Variants in TMEM132C observed in about 807,000 individuals in gnomAD.
TMEM132C encodes protein phosphatase 1, regulatory subunit 152.
A neutral mutation model predicts 61.4 loss-of-function variants in TMEM132C; 29 were observed. The ratio of observed to expected loss-of-function variants is 0.47; its 90% CI spans 0.35 to 0.64. The LOEUF (loss-of-function observed/expected upper bound fraction) is 0.64, where lower values mean the gene tolerates loss of function less well. Ranked by LOEUF, TMEM132C falls within the 30% of genes least tolerant of loss-of-function variation. The pLI is 0.00. For synonymous variants in TMEM132C, 656 were observed against 633.1 expected (o/e 1.04, Z -0.54); for missense variants, 1,408 against 1,476.9 (o/e 0.95, Z 0.76).
rs962566411 is a variant in TMEM132C, at chr12:128,575,201, C to T, written c.1121+31098C>T. On this transcript the variant is annotated intron_variant, in intron 3 of 8. Coordinates refer to ENST00000435159, the MANE Select transcript of TMEM132C (RefSeq NM_001136103.3). The stretch of plus-strand genomic sequence containing the variant: ...ATACCTTATAAATATAAAGAGAGGC[C>T]GGACATGGTGAGTCATGCCTATAAT... 2.6e-5 allele frequency among the ~76,000 whole-genome samples: 4 copies of T among 152,136 alleles called. No homozygotes were observed. The East Asian group carries it at 5.8e-4, about 22-fold the overall frequency.
intron 2 of TMEM132C, among the ~76,000 whole-genome samples, chr12:128,514,248 A>C (rs1872653146): frequency 6.6e-6 from 1 of 152,228 alleles, no homozygotes; most frequent in South Asian, 2.1e-4. Context: ...TCAAAGCAGT[A>C]AGCTTGGAGG....
chr12:128,684,017 T>G (rs1165801945), intron 5 of TMEM132C, among the ~76,000 whole-genome samples: 2 of 145,590 alleles, frequency 1.4e-5, no homozygotes, highest in African/African-American at 2.5e-5. Context: ...TAAATGTTGG[T>G]GCCTCTTATT....
intron 2 of TMEM132C, among the ~76,000 whole-genome samples, chr12:128,478,798 C>T (rs1318215501): frequency 6.6e-6 from 1 of 152,182 alleles, no homozygotes; most frequent in South Asian, 2.1e-4. Context: ...TCCTGTCTAT[C>T]CAGCACTCAA....
intron 1 of TMEM132C, among the ~76,000 whole-genome samples, chr12:128,273,417 T>G (rs1225186152): frequency 6.6e-6 from 1 of 152,150 alleles, no homozygotes; most frequent in Non-Finnish European, 1.5e-5. Flanking sequence ...CTTTTTACTT[T>G]TAACTTATGT....
intron 4 of TMEM132C, among the ~76,000 whole-genome samples, chr12:128,641,505 AAC>A (rs1326225733): frequency 6.6e-6 from 1 of 152,192 alleles, no homozygotes; most frequent in Non-Finnish European, 1.5e-5. Context: ...AAAAGGAGGA[AAC>A]ACAGAGAGCA....
chr12:128,486,455 A>G (rs1427634749), intron 2 of TMEM132C, among the ~76,000 whole-genome samples: 1 of 152,122 alleles, frequency 6.6e-6, no homozygotes, highest in African/African-American at 2.4e-5. Flanking sequence ...GAGAGTCTAC[A>G]AGCTAAGAGG....
At chr12:128,655,014 G>A (rs905450529) in intron 4 of TMEM132C, among the ~76,000 whole-genome samples, 2 of 152,188 alleles carry the variant, frequency 1.3e-5, no homozygotes, top group Non-Finnish European at 1.5e-5. Context: ...CAGAGGAAAT[G>A]AGGGGAATTG....
intron 2 of TMEM132C, among the ~76,000 whole-genome samples, chr12:128,490,505 G>A (rs1025837829): frequency 6.6e-6 from 1 of 152,180 alleles, no homozygotes. Context: ...TCAGTGAGGG[G>A]CAGGAGACTG....
intron 2 of TMEM132C, among the ~76,000 whole-genome samples, chr12:128,446,954 A>C (rs1254234615): frequency 6.6e-6 from 1 of 152,200 alleles, no homozygotes; most frequent in African/African-American, 2.4e-5. Context: ...AGGTAGGAGA[A>C]ATGTCTCCAA....
intron 3 of TMEM132C, among the ~76,000 whole-genome samples, chr12:128,612,274 G>A (rs1167997431): frequency 6.6e-6 from 1 of 152,196 alleles, no homozygotes; most frequent in Non-Finnish European, 1.5e-5. Context: ...CCTGAAAGAC[G>A]GATGTCGGTG....
chr12:128,674,754 G>T (rs1318079436), intron 5 of TMEM132C, among the ~76,000 whole-genome samples: 1 of 152,084 alleles, frequency 6.6e-6, no homozygotes, highest in East Asian at 1.9e-4. Flanking sequence ...GGTGATTTGT[G>T]AGGTTTTTGG....
chr12:128,490,518 G>A (rs1219989747), intron 2 of TMEM132C, among the ~76,000 whole-genome samples: 2 of 152,282 alleles, frequency 1.3e-5, no homozygotes, highest in African/African-American at 4.8e-5. Context: ...GGAGACTGCT[G>A]GAGACCTAAG....
intron 5 of TMEM132C, among the ~76,000 whole-genome samples, chr12:128,689,709 G>A (rs955997592): frequency 2.6e-5 from 4 of 152,298 alleles, no homozygotes; most frequent in African/African-American, 9.6e-5. Flanking sequence ...GCACTTCCAA[G>A]CATCATAACT....
chr12:128,697,105 TC>T (rs138833535), intron 7 of TMEM132C, 118 bp from the exon 8 acceptor site: 10,984 of 819,152 alleles, frequency 0.013, 101 homozygotes, highest in Non-Finnish European at 0.017. Flanking sequence ...GATATGTAAC[TC>T]CTTTGCCCTG....
intron 4 of TMEM132C, among the ~76,000 whole-genome samples, chr12:128,642,053 C>T (rs1954162039): frequency 6.6e-6 from 1 of 151,450 alleles, no homozygotes; most frequent in Admixed American, 6.6e-5. Flanking sequence ...AAGTGATCCA[C>T]CTGCCTCCCA....
At chr12:128,468,929 A>G (rs60297442) in intron 2 of TMEM132C, among the ~76,000 whole-genome samples, 10,985 of 152,214 alleles carry the variant, frequency 0.072, 1,309 homozygotes, top group African/African-American at 0.25. Context: ...AAAATCATGA[A>G]TCAGACTCAA....
At chr12:128,461,277 C>A (rs1870524708) in intron 2 of TMEM132C, among the ~76,000 whole-genome samples, 1 of 152,126 alleles carries the variant, frequency 6.6e-6, no homozygotes, top group African/African-American at 2.4e-5. Flanking sequence ...TAGAACTGTG[C>A]ACTGCAGGGA....
chr12:128,670,783 C>T (rs954951617), intron 5 of TMEM132C, among the ~76,000 whole-genome samples: 4 of 152,092 alleles, frequency 2.6e-5, no homozygotes, highest in Non-Finnish European at 5.9e-5. Context: ...TCTGCCTATT[C>T]TAGAAGAGCA....
intron 2 of TMEM132C, among the ~76,000 whole-genome samples, chr12:128,514,301 C>T (rs769839575): frequency 6.6e-5 from 10 of 152,196 alleles, no homozygotes; most frequent in Non-Finnish European, 1.3e-4. Context: ...TCAGAGAGCT[C>T]ACACTCTGTG....
Sources: gnomAD v4.1 joint callset for allele counts (sites outside exome capture counted in the v4.1 genomes callset) on GRCh38, gnomAD v4.1.1 for gene constraint, MANE v1.5 for transcripts, NCBI Gene and HGNC (gene_info 2026-07-23, HGNC 2026-07-21) for gene names.